The following CDH26 variants were observed in gnomAD, a reference collection of about 807,000 sequenced individuals.
CDH26 encodes cadherin-like protein 26.
CDH26 carries 83 observed loss-of-function variants against 90.3 expected under a neutral mutation model. The ratio of observed to expected loss-of-function variants is 0.92; its 90% CI spans 0.77 to 1.10. The LOEUF (loss-of-function observed/expected upper bound fraction) is 1.10. Ranked by LOEUF, CDH26 falls within the 50% of genes least tolerant of loss-of-function variation. The pLI is 0.00. For synonymous variants in CDH26, 397 were observed against 396.3 expected, an observed-to-expected ratio of 1.00 and a Z score of -0.02; for missense variants, 1,013 against 1,037.6, an observed-to-expected ratio of 0.98 and a Z score of 0.33.
At chr20:60,003,845 C>G (rs77133706) in intron 16 of CDH26, among the ~76,000 whole-genome samples, 4,681 of 152,230 alleles carry the variant, frequency 0.031, 248 homozygotes, top group African/African-American at 0.11. Context: ...AGATAGTGCT[C>G]TCTCAGCCAC....
In CDH26 at chr20:59,992,418, G is replaced by T. The variant is rs144761668; in HGVS notation, c.1324G>T (p.Asp442Tyr). 1 of 1,613,930 alleles carries T rather than the reference G, an allele frequency of 6.2e-7. No individual in the cohort carries two copies. The change falls in exon 10 of 18, where the codon GAC becomes TAC. Residue 442 changes from aspartate to tyrosine, a missense_variant. Physicochemically the swap from Asp to Tyr is radical, Grantham distance 160. Transcript: ENST00000348616. This position sits in a 1 kb window ranked among gnomAD's most constrained non-coding sequence, Gnocchi z 5.0. ...TGACCCAGCAAATTGGGTCAGCGTC[G>T]ACAAAAACTCCGGAGTGGTCATCAC... ...VHDPANWVSV[D>Y]KNSGVVITVE...
At chr20:59,980,389 G>A (rs1409705700) in intron 4 of CDH26, among the ~76,000 whole-genome samples, 1 of 151,810 alleles carries the variant, frequency 6.6e-6, no homozygotes, top group East Asian at 1.9e-4. Flanking sequence ...CCACCTTCTG[G>A]GTGCAAGCAA....
chr20:60,005,995 G>A (rs2061744093), intron 16 of CDH26, among the ~76,000 whole-genome samples: 1 of 152,152 alleles, frequency 6.6e-6, no homozygotes, highest in South Asian at 2.1e-4. Context: ...TCTGTTCCAT[G>A]GCCCTACAAC....
intron 8 of CDH26, among the ~76,000 whole-genome samples, chr20:59,988,579 A>G (rs147427506): frequency 5.3e-5 from 8 of 152,090 alleles, no homozygotes; most frequent in African/African-American, 1.9e-4. Context: ...ATATTTCCCT[A>G]AGTTCCCCTG....
chr20:60,011,939 A>G (rs2061849215), intron 17 of CDH26, among the ~76,000 whole-genome samples: 1 of 151,896 alleles, frequency 6.6e-6, no homozygotes, highest in Non-Finnish European at 1.5e-5. Context: ...TTGGTTAGGG[A>G]TGGATGAAGC....
chr20:59,987,694 C>G, intron 8 of CDH26, 56 bp downstream of exon 8: 2 of 1,452,716 alleles, frequency 1.4e-6, no homozygotes, highest in Non-Finnish European at 1.9e-6. Flanking sequence ...GAGGCCTCTT[C>G]TGTAGGATCA....
At chr20:60,026,223 C>G (rs1170056702) in intron 7 of CDH26, among the ~76,000 whole-genome samples, 2 of 152,142 alleles carry the variant, frequency 1.3e-5, no homozygotes, top group South Asian at 4.1e-4. Context: ...ATTCCTGAGG[C>G]CTTTCAACTC....
chr20:59,983,752 A>G (rs896659209), intron 5 of CDH26, among the ~76,000 whole-genome samples: 4 of 152,138 alleles, frequency 2.6e-5, no homozygotes, highest in Non-Finnish European at 5.9e-5. Flanking sequence ...TTTCATCTTT[A>G]TCATAGTACA....
At chr20:60,027,857 T>C (rs1405060379) in intron 7 of CDH26, among the ~76,000 whole-genome samples, 1 of 152,232 alleles carries the variant, frequency 6.6e-6, no homozygotes, top group Admixed American at 6.5e-5. Flanking sequence ...GGTGACCTGC[T>C]ACCTTTTAAA....
intron 7 of CDH26, among the ~76,000 whole-genome samples, chr20:60,021,124 T>C (rs1453166079): frequency 1.3e-5 from 2 of 152,220 alleles, no homozygotes; most frequent in African/African-American, 2.4e-5. Flanking sequence ...TGATTCTTTC[T>C]TCGTGGGGGT....
intron 11 of CDH26, 46 bp from the exon 12 acceptor site, chr20:59,995,787 G>A: frequency 6.5e-7 from 1 of 1,541,176 alleles, no homozygotes; most frequent in African/African-American, 1.4e-5. Flanking sequence ...GAGCAGATGA[G>A]CAGATGAGTG....
At chr20:59,962,474 C>T (rs2061087968) in intron 1 of CDH26, among the ~76,000 whole-genome samples, 1 of 152,088 alleles carries the variant, frequency 6.6e-6, no homozygotes, top group Admixed American at 6.5e-5. Context: ...CAGTCTCTGC[C>T]CCTGTCATGA....
intron 7 of CDH26, among the ~76,000 whole-genome samples, chr20:60,020,287 C>T (rs142827532): frequency 1.3e-5 from 2 of 152,296 alleles, no homozygotes; most frequent in East Asian, 1.9e-4. Flanking sequence ...CTTCCTGCAG[C>T]AGCCCACAGG....
intron 8 of CDH26, among the ~76,000 whole-genome samples, chr20:59,988,164 G>T (rs62205077): frequency 6.6e-6 from 1 of 152,140 alleles, no homozygotes; most frequent in African/African-American, 2.4e-5. Flanking sequence ...TACTGATTAG[G>T]AAACCAAAGC....
downstream of CDH26, among the ~76,000 whole-genome samples, chr20:60,019,502 T>G (rs2061935064): frequency 6.6e-6 from 1 of 152,212 alleles, no homozygotes; most frequent in South Asian, 2.1e-4. Flanking sequence ...TTATATTGTT[T>G]AATTTCATTC....
At chr20:60,012,494 C>T in intron 17 of CDH26, 33 bp from the exon 18 acceptor site, 1 of 1,594,956 alleles carries the variant, frequency 6.3e-7, no homozygotes, top group East Asian at 2.2e-5. Context: ...AAGCACATGG[C>T]ATTTACCTTC....
At position 60,020,629 on chromosome 20, in the gene CDH26, G is replaced by A. The variant is rs150808616; in HGVS notation, c.948-10602G>A. ...GCTGGTGCTGTAGAGGTACAGTTGC[G>A]ACTGATCTCCAGAGCATAACACACT... On this transcript the variant is annotated intron_variant, in intron 7 of 8. Transcript: ENST00000370991. 7.6e-3 allele frequency among the ~76,000 whole-genome samples: 1,153 copies of A among 152,282 alleles called. 12 individuals are homozygous for A. Among genetic ancestry groups the A allele is most frequent in the South Asian group, 0.036 (174 of 4,824 alleles).
At chr20:60,021,811 G>A (rs529161262) in intron 7 of CDH26, among the ~76,000 whole-genome samples, 11 of 142,376 alleles carry the variant, frequency 7.7e-5, no homozygotes, top group African/African-American at 2.9e-4. Flanking sequence ...TTAGTTTGCT[G>A]TCTTCTTTGT....
At chr20:59,978,974 C>T (rs1199529628) in intron 4 of CDH26, among the ~76,000 whole-genome samples, 1 of 151,968 alleles carries the variant, frequency 6.6e-6, no homozygotes, top group African/African-American at 2.4e-5. Context: ...AAATTTGTAT[C>T]TCTTGATGTA....
Sources: allele counts gnomAD v4.1 joint callset (sites outside exome capture counted in the v4.1 genomes callset), GRCh38; gene constraint gnomAD v4.1.1; non-coding constraint Gnocchi (gnomAD v3.1); transcripts MANE v1.5; gene names NCBI Gene and HGNC (gene_info 2026-07-23, HGNC 2026-07-21).